Variants in FAT3 observed in about 807,000 individuals in gnomAD.
The protein encoded by FAT3 is FAT atypical cadherin 3.
Under a neutral mutation model 310.2 loss-of-function variants are expected in FAT3, and 95 were observed. The ratio of observed to expected loss-of-function variants is 0.31; its 90% confidence interval spans 0.26 to 0.36. The LOEUF (loss-of-function observed/expected upper bound fraction) is 0.36, where lower values mean the gene tolerates loss of function less well. FAT3 is among the 10% of genes least tolerant of loss of function. FAT3 has a pLI of 1.00. For missense variants in FAT3, 5,408 were observed against 5,715.6 expected (o/e 0.95, Z 1.74); for synonymous variants, 2,314 against 2,192.9 (o/e 1.06, Z -1.54).
chr11:92,290,887 A>G (rs1755184528), intron 1 of FAT3, among the ~76,000 whole-genome samples: 1 of 152,078 alleles, frequency 6.6e-6, no homozygotes, highest in Non-Finnish European at 1.5e-5. Flanking sequence ...TGTAGCACCA[A>G]GTTACTTCTC....
intron 1 of FAT3, among the ~76,000 whole-genome samples, chr11:92,299,897 T>C (rs892992071): frequency 6.6e-6 from 1 of 152,106 alleles, no homozygotes; most frequent in East Asian, 1.9e-4. Flanking sequence ...ATGGCCCCCA[T>C]AGCTCCAGAA....
intron 1 of FAT3, among the ~76,000 whole-genome samples, chr11:92,268,117 C>G (rs971099274): frequency 1.3e-5 from 2 of 151,968 alleles, no homozygotes; most frequent in African/African-American, 4.8e-5. Context: ...AACACTGGTC[C>G]CAACTCTGTG....
At chr11:92,296,891 G>A (rs1221718779) in intron 1 of FAT3, among the ~76,000 whole-genome samples, 2 of 152,060 alleles carry the variant, frequency 1.3e-5, no homozygotes, top group Non-Finnish European at 2.9e-5. Context: ...TGTACCTTCT[G>A]TGCCATTTAA....
chr11:92,845,212 C>G (rs1948656339), intron 19 of FAT3, among the ~76,000 whole-genome samples: 1 of 152,156 alleles, frequency 6.6e-6, no homozygotes, highest in African/African-American at 2.4e-5. Flanking sequence ...GAGAGCAGGC[C>G]CAGTCATCAC....
chr11:92,860,886 C>T (rs1449705757), intron 21 of FAT3, among the ~76,000 whole-genome samples: 1 of 152,130 alleles, frequency 6.6e-6, no homozygotes, highest in African/African-American at 2.4e-5. Context: ...AAGTTGGTTA[C>T]TTTTGTAAGC....
intron 2 of FAT3, among the ~76,000 whole-genome samples, chr11:92,494,491 A>AT (rs1287447492): frequency 1.3e-5 from 2 of 152,044 alleles, no homozygotes; most frequent in Non-Finnish European, 2.9e-5. Flanking sequence ...CTACTTTTAT[A>AT]ACTGTGATCA....
intron 2 of FAT3, among the ~76,000 whole-genome samples, chr11:92,368,336 T>A (rs1380988292): frequency 6.6e-6 from 1 of 152,200 alleles, no homozygotes; most frequent in Non-Finnish European, 1.5e-5. Context: ...TTGTGTAAAA[T>A]TTGGAAAAAC....
chr11:92,242,827 T>G (rs1300270303), intron 1 of FAT3, among the ~76,000 whole-genome samples: 1 of 152,078 alleles, frequency 6.6e-6, no homozygotes, highest in Non-Finnish European at 1.5e-5. Context: ...ATTCAGTAAC[T>G]ACTACTTAAG....
intron 22 of FAT3, among the ~76,000 whole-genome samples, chr11:92,870,670 C>T (rs557671222): frequency 6.6e-6 from 1 of 152,166 alleles, no homozygotes; most frequent in African/African-American, 2.4e-5. Flanking sequence ...AGCTCAAGCC[C>T]ATTAATGGAA....
intron 4 of FAT3, among the ~76,000 whole-genome samples, chr11:92,730,530 T>C (rs1405287770): frequency 6.6e-6 from 1 of 152,210 alleles, no homozygotes; most frequent in Admixed American, 6.5e-5. Flanking sequence ...AACAGGACCA[T>C]AGTCCTTTTT....
intron 3 of FAT3, among the ~76,000 whole-genome samples, chr11:92,632,392 CTAA>C (rs1449085398): frequency 9.2e-5 from 14 of 152,168 alleles, no homozygotes; most frequent in Non-Finnish European, 1.9e-4. Context: ...ATGAAAGGCA[CTAA>C]TGAGAGGCAA....
intron 7 of FAT3, 59 bp from the exon 8 acceptor site, chr11:92,789,883 CT>C (rs769182050): frequency 6.3e-5 from 99 of 1,566,706 alleles, no homozygotes; most frequent in Non-Finnish European, 8.2e-5. Flanking sequence ...GGAGGGCATA[CT>C]TTTATTAGCA....
chr11:92,658,590 C>T (rs1942662481), intron 3 of FAT3, among the ~76,000 whole-genome samples: 1 of 152,094 alleles, frequency 6.6e-6, no homozygotes, highest in Non-Finnish European at 1.5e-5. Flanking sequence ...AGAATCCAGC[C>T]CCAGCGATCT....
intron 2 of FAT3, among the ~76,000 whole-genome samples, chr11:92,386,911 C>T (rs745565494): frequency 1.3e-5 from 2 of 152,198 alleles, no homozygotes; most frequent in Non-Finnish European, 2.9e-5. Context: ...TTCAACAATG[C>T]TTACTGAGTG....
intron 2 of FAT3, among the ~76,000 whole-genome samples, chr11:92,373,006 G>T (rs1488309007): frequency 1.3e-5 from 2 of 152,082 alleles, no homozygotes; most frequent in Non-Finnish European, 2.9e-5. Flanking sequence ...GCAAGTATCC[G>T]AAGTCAGAGT....
chr11:92,311,033 T>C (rs1001081819), intron 1 of FAT3, among the ~76,000 whole-genome samples: 2 of 151,642 alleles, frequency 1.3e-5, no homozygotes, highest in African/African-American at 4.8e-5. Flanking sequence ...TGTATATATA[T>C]ACATACACAT....
At chr11:92,675,620 T>C (rs1943262535) in intron 3 of FAT3, among the ~76,000 whole-genome samples, 2 of 152,184 alleles carry the variant, frequency 1.3e-5, no homozygotes, top group African/African-American at 4.8e-5. Flanking sequence ...AGCAAACCAT[T>C]GCTGCTGCCA....
intron 2 of FAT3, among the ~76,000 whole-genome samples, chr11:92,429,534 T>C (rs1950716242): frequency 6.6e-6 from 1 of 152,154 alleles, no homozygotes; most frequent in Admixed American, 6.5e-5. Flanking sequence ...TTCCTCTCCA[T>C]ATTTAGTGCT....
At chr11:92,512,665 A>C (rs1953338332) in intron 2 of FAT3, among the ~76,000 whole-genome samples, 1 of 149,932 alleles carries the variant, frequency 6.7e-6, no homozygotes, top group South Asian at 2.1e-4. Context: ...TTGGAAGGTC[A>C]GATAAACAAC....
Sources: allele counts gnomAD v4.1 joint callset (sites outside exome capture counted in the v4.1 genomes callset), GRCh38; gene constraint gnomAD v4.1.1; transcripts MANE v1.5; gene names NCBI Gene and HGNC (gene_info 2026-07-23, HGNC 2026-07-21).